The following GPD2 variants were observed in gnomAD, a reference collection of about 807,000 sequenced individuals.
GPD2 encodes glycerol-3-phosphate dehydrogenase, mitochondrial.
GPD2 carries 54 observed loss-of-function variants against 82.4 expected under a neutral mutation model. The ratio of observed to expected loss-of-function variants is 0.66; its 90% CI spans 0.53 to 0.82. The LOEUF (loss-of-function observed/expected upper bound fraction) is 0.82. Among genes scored for constraint, GPD2 ranks in the 40% least tolerant of loss-of-function variants. The pLI is 0.00. For missense variants in GPD2, 748 were observed against 896.2 expected (o/e 0.83, Z 2.11); for synonymous variants, 288 against 306.1 (o/e 0.94, Z 0.62).
At position 156,549,651 on chromosome 2, in the gene GPD2, TG is replaced by T. The variant is rs1314101468; in HGVS notation, c.706del (p.Ala236LeufsTer14). 1 of 1,614,018 alleles carries T rather than the reference TG, an allele frequency of 6.2e-7. No individual in the cohort carries two copies. The highest frequency in any genetic ancestry group is 1.3e-5 in the African/African-American group (1 of 75,060). ...ARMNLAIALT[A>X]ARYGAATANY... is the part of the protein sequence containing the mutation. ...GGATGAACCTTGCCATTGCTCTGAC[TG>T]CTGCCAGGTATGGGGCTGCCACAGC... On this transcript the variant is annotated frameshift_variant, in exon 7 of 17. Transcript: ENST00000438166. LOFTEE classifies it high-confidence loss of function.
chr2:156,446,026 G>A (rs1682356786), intron 1 of GPD2, among the ~76,000 whole-genome samples: 1 of 152,148 alleles, frequency 6.6e-6, no homozygotes, highest in Admixed American at 6.5e-5. Flanking sequence ...AATTCCTTAG[G>A]GCTTTCTTTT....
At chr2:156,510,714 C>T in intron 3 of GPD2, 82 bp from the exon 4 acceptor site, 1 of 1,134,584 alleles carries the variant, frequency 8.8e-7, no homozygotes, top group Non-Finnish European at 1.3e-6. Flanking sequence ...TTGTGATTGT[C>T]TCTACCCTGG....
chr2:156,483,092 AAAGAT>A (rs1036470291), intron 2 of GPD2, among the ~76,000 whole-genome samples: 6 of 152,204 alleles, frequency 3.9e-5, no homozygotes, highest in African/African-American at 1.4e-4. Flanking sequence ...GGCAGTAGCA[AAAGAT>A]AAGATTGGAC....
chr2:156,541,972 G>A (rs1254968383), intron 6 of GPD2, among the ~76,000 whole-genome samples: 1 of 83,174 alleles, frequency 1.2e-5, no homozygotes, highest in Non-Finnish European at 3.0e-5. Context: ...GTTGCTTGCT[G>A]TTTAAATGTG....
chr2:156,420,218 G>A, the GPD2 span, among the ~76,000 whole-genome samples: 1 of 151,692 alleles, frequency 6.6e-6, no homozygotes. Flanking sequence ...GTCTCACTCT[G>A]TGGAATGCAG....
intron 1 of GPD2, among the ~76,000 whole-genome samples, chr2:156,461,597 C>T (rs892774874): frequency 5.9e-5 from 9 of 152,158 alleles, no homozygotes; most frequent in African/African-American, 2.2e-4. Context: ...CCAGGCTAGT[C>T]TCAAACTCCT....
intron 6 of GPD2, among the ~76,000 whole-genome samples, chr2:156,525,986 A>G (rs1685591690): frequency 6.6e-6 from 1 of 152,066 alleles, no homozygotes; most frequent in Non-Finnish European, 1.5e-5. Flanking sequence ...ATATGTGTTT[A>G]TTATATGTAC....
At chr2:156,502,891 G>A (rs1376758016) in intron 3 of GPD2, among the ~76,000 whole-genome samples, 1 of 150,872 alleles carries the variant, frequency 6.6e-6, no homozygotes, top group Non-Finnish European at 1.5e-5. Context: ...CATTTGCTTT[G>A]TATTTTTTTT....
At chr2:156,440,383 A>C (rs1682126414) in intron 1 of GPD2, among the ~76,000 whole-genome samples, 1 of 152,226 alleles carries the variant, frequency 6.6e-6, no homozygotes, top group Non-Finnish European at 1.5e-5. Context: ...AAGAAAAAGA[A>C]AGGAAGAGAT....
intron 9 of GPD2, among the ~76,000 whole-genome samples, chr2:156,564,862 G>C (rs1293421640): frequency 6.6e-6 from 1 of 152,058 alleles, no homozygotes; most frequent in Non-Finnish European, 1.5e-5. Context: ...GTCAAGCAAA[G>C]TAAATTAAAG....
chr2:156,495,962 G>T, intron 2 of GPD2, 82 bp from the exon 3 acceptor site: 2 of 1,016,404 alleles, frequency 2.0e-6, no homozygotes, highest in Non-Finnish European at 3.1e-6. Flanking sequence ...ATTTCTATTA[G>T]AAATTTCCTT....
intron 6 of GPD2, among the ~76,000 whole-genome samples, chr2:156,532,410 C>G (rs1685902124): frequency 6.6e-6 from 1 of 152,124 alleles, no homozygotes; most frequent in Non-Finnish European, 1.5e-5. Context: ...CTTCTGTGTG[C>G]CCAGTGGTTA....
At chr2:156,461,161 CTTTTTTTTTTT>C (rs70987039) in intron 1 of GPD2, among the ~76,000 whole-genome samples, 12 of 106,432 alleles carry the variant, frequency 1.1e-4, no homozygotes, top group African/African-American at 2.0e-4. Flanking sequence ...CTCTCTATCT[CTTTTTTTTTTT>C]TTTTTTTTTT....
chr2:156,513,478 G>A lies in GPD2; in HGVS notation c.643G>A (p.Ala215Thr). The change falls in exon 6 of 17, where the codon GCA (alanine) becomes ACA (threonine). Residue 215 changes from alanine (A) to threonine (T), a missense_variant. Coordinates refer to ENST00000438166, the MANE Select transcript of GPD2 (RefSeq NM_000408.5). ...PMLQKDKLVGAIVYYDGQHND... is the reference protein window; with the variant it reads ...PMLQKDKLVGTIVYYDGQHND... The stretch of plus-strand genomic sequence containing the variant: ...GCTCCAGAAGGACAAACTGGTAGGA[G>A]CAATTGTCTACTATGACGGTATGTG... 6.2e-7 allele frequency: 1 copy of A among 1,610,752 alleles called. No homozygotes were observed. The highest frequency in any genetic ancestry group is 1.7e-5 in the Admixed American group (1 of 59,864).
At chr2:156,498,801 A>ATATAC (rs1684481433) in intron 3 of GPD2, among the ~76,000 whole-genome samples, 1 of 152,202 alleles carries the variant, frequency 6.6e-6, no homozygotes, top group Admixed American at 6.5e-5. Flanking sequence ...GGGAGACAGT[A>ATATAC]TGTTTCACGG....
At chr2:156,459,061 G>A (rs1025642728) in intron 1 of GPD2, among the ~76,000 whole-genome samples, 2 of 151,436 alleles carry the variant, frequency 1.3e-5, no homozygotes, top group Non-Finnish European at 2.9e-5. Flanking sequence ...ATTTACTTTT[G>A]TTCTCTTCAT....
At chr2:156,535,393 G>GGT (rs1553474549) in intron 6 of GPD2, among the ~76,000 whole-genome samples, 7 of 121,370 alleles carry the variant, frequency 5.8e-5, no homozygotes, top group African/African-American at 2.2e-4. Flanking sequence ...AAGACCTGGG[G>GGT]GGGGGCGGGG....
At chr2:156,417,365 A>C in the GPD2 span, among the ~76,000 whole-genome samples, 484 of 152,328 alleles carry the variant, frequency 3.2e-3, 1 homozygote, top group African/African-American at 0.011. Context: ...ATTAATACCA[A>C]TCATTAGGTA....
At chr2:156,531,224 C>T (rs748641616) in intron 6 of GPD2, among the ~76,000 whole-genome samples, 2 of 152,120 alleles carry the variant, frequency 1.3e-5, no homozygotes, top group Non-Finnish European at 2.9e-5. Flanking sequence ...CACCCCTGCC[C>T]CCTTTAAATA....
Sources: allele counts gnomAD v4.1 joint callset (sites outside exome capture counted in the v4.1 genomes callset), GRCh38; gene constraint gnomAD v4.1.1; transcripts MANE v1.5; gene names NCBI Gene and HGNC (gene_info 2026-07-23, HGNC 2026-07-21).